The following CDH13 variants were observed in gnomAD, a reference collection of about 807,000 sequenced individuals.
The protein encoded by CDH13 is cadherin 13, also known as cadherin-13.
In CDH13, 24 loss-of-function variants were observed where a neutral mutation model predicts 63.8. The observed-to-expected ratio is 0.38, with a 90% confidence interval of 0.27 to 0.53. The LOEUF is 0.53. Ranked by LOEUF, CDH13 falls within the 20% of genes least tolerant of loss-of-function variation. The pLI is 0.85. For synonymous variants in CDH13, 503 were observed against 355.3 expected, an observed-to-expected ratio of 1.42 and a Z score of -4.67; for missense variants, 1,049 against 903.1, an observed-to-expected ratio of 1.16 and a Z score of -2.07.
intron 6 of CDH13, among the ~76,000 whole-genome samples, chr16:83,420,190 AGGAACTAAATC>A (rs1567660258): frequency 2.0e-5 from 3 of 152,210 alleles, no homozygotes. Context: ...CCTACTCTCA[AGGAACTAAATC>A]GAGCTGTCAC....
chr16:83,512,899 T>A (rs2074606845), intron 7 of CDH13, among the ~76,000 whole-genome samples: 1 of 151,846 alleles, frequency 6.6e-6, no homozygotes, highest in Non-Finnish European at 1.5e-5. Flanking sequence ...CAACAAACCC[T>A]CTAGATGATG....
At chr16:82,753,133 CTTA>C (rs1430793256) in intron 1 of CDH13, among the ~76,000 whole-genome samples, 1 of 152,152 alleles carries the variant, frequency 6.6e-6, no homozygotes, top group Non-Finnish European at 1.5e-5. Context: ...TCAGCTCCTA[CTTA>C]TTATTCCTCC....
At chr16:83,730,935 C>CTAA (rs1244934065) in intron 10 of CDH13, among the ~76,000 whole-genome samples, 1 of 152,190 alleles carries the variant, frequency 6.6e-6, no homozygotes, top group Non-Finnish European at 1.5e-5. Flanking sequence ...TGTCCCTGTG[C>CTAA]TAATTCGCTT....
At chr16:83,186,695 G>T (rs2038536803) in intron 4 of CDH13, among the ~76,000 whole-genome samples, 1 of 152,114 alleles carries the variant, frequency 6.6e-6, no homozygotes. Flanking sequence ...AATTTCTCAG[G>T]GCTAATGTTG....
rs201686162 is a variant in CDH13, at chr16:83,066,202, T to A, written c.366+33984T>A. Reference sequence around the variant, plus strand: ...GCACTTTGGCTTTTTCTCAGCTACATGGTGATGATGAGTTCTTCTCAACAA... The same window carrying A: ...GCACTTTGGCTTTTTCTCAGCTACAAGGTGATGATGAGTTCTTCTCAACAA... On this transcript the variant is annotated intron_variant, in intron 3 of 13. Transcript: ENST00000567109. Among the ~76,000 whole-genome samples, 9 of 152,312 alleles carry A rather than the reference T, an allele frequency of 5.9e-5. No individual in the cohort carries two copies. The East Asian group carries it at 1.2e-3, about 20-fold the overall frequency.
At chr16:82,900,655 T>A (rs2041433801) in intron 2 of CDH13, among the ~76,000 whole-genome samples, 1 of 152,090 alleles carries the variant, frequency 6.6e-6, no homozygotes, top group African/African-American at 2.4e-5. Flanking sequence ...ACAGAGTAAT[T>A]GATGAACCAA....
At chr16:83,509,619 G>C (rs1048004967) in intron 7 of CDH13, among the ~76,000 whole-genome samples, 9 of 152,162 alleles carry the variant, frequency 5.9e-5, no homozygotes, top group Non-Finnish European at 1.3e-4. Flanking sequence ...AGGGAGAAAG[G>C]AAGACTATTT....
intron 2 of CDH13, among the ~76,000 whole-genome samples, chr16:83,011,388 A>C (rs971915038): frequency 6.6e-6 from 1 of 152,208 alleles, no homozygotes; most frequent in African/African-American, 2.4e-5. Flanking sequence ...TCATGAGCAC[A>C]TTCAATCCCC....
At chr16:82,775,424 T>A (rs4783269) in intron 1 of CDH13, among the ~76,000 whole-genome samples, 110,874 of 152,054 alleles carry the variant, frequency 0.73, 42,359 homozygotes, top group East Asian at 1. Flanking sequence ...TACTTTTCTC[T>A]TACGTAAAAT....
At chr16:83,426,652 C>G (rs1365802630) in intron 6 of CDH13, among the ~76,000 whole-genome samples, 1 of 152,096 alleles carries the variant, frequency 6.6e-6, no homozygotes, top group Non-Finnish European at 1.5e-5. Flanking sequence ...CTGCTGTGCA[C>G]CAGCCTACAT....
chr16:83,035,081 G>A (rs1168605417), intron 3 of CDH13, among the ~76,000 whole-genome samples: 28 of 145,608 alleles, frequency 1.9e-4, no homozygotes, highest in Non-Finnish European at 3.0e-5. Context: ...TCATAAAAAC[G>A]CCTCAAAAAA....
Position 83,795,064 on chromosome 16 carries a change from T to A in CDH13, c.*34T>A. 4 of 1,567,244 alleles carry A rather than the reference T, an allele frequency of 2.6e-6. No individual in the cohort carries two copies. The highest frequency in any genetic ancestry group is 3.5e-6 in the Non-Finnish European group (4 of 1,157,030). ...GACGTCTGAAGCTTGACTCCCAAGTTTCCATAGCAACAGGAAAAAAAAAAA... is the reference window on the plus strand; with the variant it reads ...GACGTCTGAAGCTTGACTCCCAAGTATCCATAGCAACAGGAAAAAAAAAAA... On this transcript the variant is annotated 3_prime_UTR_variant, in exon 14 of 14. Transcript: ENST00000567109.
At chr16:83,317,995 G>A (rs2090141701) in intron 5 of CDH13, among the ~76,000 whole-genome samples, 1 of 152,148 alleles carries the variant, frequency 6.6e-6, no homozygotes, top group African/African-American at 2.4e-5. Context: ...GATTTGGCTT[G>A]TAGAGTTTAG....
chr16:82,777,243 A>G (rs1235157030), intron 1 of CDH13, among the ~76,000 whole-genome samples: 1 of 152,240 alleles, frequency 6.6e-6, no homozygotes, highest in Non-Finnish European at 1.5e-5. Context: ...TGCTAGGATT[A>G]CAGGCACGAG....
chr16:83,748,214 A>T lies in CDH13; in HGVS notation c.1645A>T (p.Ser549Cys), dbSNP rs1029262076. 6.2e-7 allele frequency: 1 copy of T among 1,613,864 alleles called. No individual in the cohort carries two copies. Among genetic ancestry groups the T allele is most frequent in the Non-Finnish European group, 8.5e-7 (1 of 1,179,772 alleles). The change falls in exon 11 of 14, where the codon AGC (serine) becomes TGC (cysteine). Residue 549 changes from serine (S) to cysteine (C), a missense_variant. By Grantham distance (112) the Ser-to-Cys change is moderately radical (BLOSUM62 -1). Transcript: ENST00000567109. ...CCGTGAGTCCCCATTTGTCGACAACAGCGTGTACACTGCTCTCTTCCTGGC... is the reference window on the plus strand; with the variant it reads ...CCGTGAGTCCCCATTTGTCGACAACTGCGTGTACACTGCTCTCTTCCTGGC... ...LDRESPFVDN[S>C]VYTALFLAID...
rs368960124 is a variant in CDH13, at chr16:83,713,509, C to CAAA, written c.1539-34587_1539-34585dup. Among the ~76,000 whole-genome samples the CAAA allele has an allele frequency of 3.3e-3, 471 of 141,072 alleles. 3 individuals are homozygous for CAAA. Among genetic ancestry groups the CAAA allele is most frequent in the South Asian group, 0.016 (72 of 4,410 alleles). 92.5% of individuals were successfully genotyped at this position (141,072 alleles called of 152,430 possible). ...TGCATCTCTCAACTTTTCTCGTCAC[C>CAAA]AAAAAAAAAAAAAATTTCCTCTTCA... is the stretch of plus-strand genomic sequence containing the variant. On this transcript the variant is annotated intron_variant, in intron 10 of 13. Transcript: ENST00000567109.
At chr16:83,493,146 TGTGCCAA>T (rs2074056884) in intron 7 of CDH13, among the ~76,000 whole-genome samples, 1 of 152,226 alleles carries the variant, frequency 6.6e-6, no homozygotes, top group Non-Finnish European at 1.5e-5. Context: ...TCAAATAAGA[TGTGCCAA>T]GTACTAGCGT....
At chr16:83,203,248 C>T (rs115040838) in intron 4 of CDH13, among the ~76,000 whole-genome samples, 56 of 152,020 alleles carry the variant, frequency 3.7e-4, no homozygotes, top group African/African-American at 1.3e-3. Flanking sequence ...ACAAAAACAC[C>T]AAACAAACAA....
In CDH13 at chr16:83,272,135, G is replaced by T. The variant is rs144160851; in HGVS notation, c.636+54638G>T. 6.8e-3 allele frequency among the ~76,000 whole-genome samples: 1,038 copies of T among 152,230 alleles called. 20 individuals are homozygous for T. Among genetic ancestry groups the T allele is most frequent in the African/African-American group, 0.023 (971 of 41,542 alleles). ...AAAAATTTATGGAGTACCTCTCTCA[G>T]TCCTCACCACTGGGGATGCAATGGC... is the stretch of plus-strand genomic sequence containing the variant. On this transcript the variant is annotated intron_variant, in intron 5 of 13. Transcript: ENST00000567109.
Sources: allele counts gnomAD v4.1 joint callset (sites outside exome capture counted in the v4.1 genomes callset), GRCh38; gene constraint gnomAD v4.1.1; transcripts MANE v1.5; gene names NCBI Gene and HGNC (gene_info 2026-07-23, HGNC 2026-07-21).